Variants in DMBT1 observed in about 807,000 individuals in gnomAD.
DMBT1 encodes scavenger receptor cysteine-rich domain-containing protein DMBT1.
A neutral mutation model predicts 252.9 loss-of-function variants in DMBT1; 198 were observed. That is an observed-to-expected ratio of 0.78 (90% confidence interval 0.70 to 0.88). The LOEUF is 0.88. Among genes scored for constraint, DMBT1 ranks in the 40% least tolerant of loss-of-function variants. The pLI is 0.00. For synonymous variants in DMBT1, 990 were observed against 942.7 expected (o/e 1.05, Z -0.92); for missense variants, 2,432 against 2,404.7 (o/e 1.01, Z -0.24).
intron 9 of DMBT1, 142 bp from the exon 10 acceptor site, chr10:122,579,436 A>G (rs2097745325): frequency 6.6e-7 from 1 of 1,521,242 alleles, no homozygotes; most frequent in Non-Finnish European, 8.9e-7. Context: ...CACGGTGATG[A>G]AGCCTAGTCT....
rs769093369 is a variant in DMBT1, at chr10:122,586,116, C to T, written c.1516C>T (p.Arg506Ter). ...GAATGGAGGTGACAGGTGTCAGGGCCGAGTGGAGGTCCTATACCGAGGCTC... is the reference window on the plus strand; with the variant it reads ...GAATGGAGGTGACAGGTGTCAGGGCTGAGTGGAGGTCCTATACCGAGGCTC... ...LVNGGDRCQG[R>*]VEVLYRGSWG... Residue 506 changes from arginine (R) to a stop codon, truncating the protein, a stop_gained, in exon 16 of 56, where the codon CGA (arginine) becomes TGA (stop). Coordinates refer to ENST00000338354, the MANE Select transcript of DMBT1 (RefSeq NM_001377530.1). LOFTEE classifies it high-confidence loss of function. 3.4e-5 allele frequency: 54 copies of T among 1,588,912 alleles called. 6 individuals are homozygous for T. Among genetic ancestry groups the T allele is most frequent in the East Asian group, 1.4e-4 (6 of 42,736 alleles).
In DMBT1 at chr10:122,632,841, T is replaced by C; in HGVS notation, c.6368-20T>C. On this transcript the variant is annotated intron_variant, in intron 50 of 55. Coordinates refer to ENST00000338354, the MANE Select transcript of DMBT1 (RefSeq NM_001377530.1). ...AGGGATGCCAGAAAACTGATCCTGA[T>C]CTTTTCTTTTTGTCAACAGCTCCTT... is the stretch of plus-strand genomic sequence containing the variant. 6.2e-7 allele frequency: 1 copy of C among 1,613,386 alleles called. No individual in the cohort carries two copies. The highest frequency in any genetic ancestry group is 8.5e-7 in the Non-Finnish European group (1 of 1,179,694).
Position 122,643,530 on chromosome 10 carries a change from G to C in DMBT1, c.*132G>C, listed in dbSNP as rs543564978. ...GTGCTGCACCTGGTCATACGGAGTT[G>C]AATCAGACCTGGTTCCCGCCTCCCC... On this transcript the variant is annotated 3_prime_UTR_variant, in exon 56 of 56. Transcript: ENST00000338354. The C allele has an allele frequency of 1.3e-4, 170 of 1,296,836 alleles. No individual in the cohort carries two copies. In the East Asian group the frequency reaches 4.3e-3, roughly 33 times the overall value. 80.3% of individuals were successfully genotyped at this position (1,296,836 alleles called of 1,614,324 possible). A position where few individuals can be genotyped will look rare whatever the true frequency, so the allele number is the denominator to read the frequency against.
Position 122,617,270 on chromosome 10 carries a change from C to A in DMBT1, c.4891+10C>A, listed in dbSNP as rs762505208. The A allele has an allele frequency of 6.2e-7, 1 of 1,608,734 alleles. No homozygotes were observed. Among genetic ancestry groups the A allele is most frequent in the Admixed American group, 1.7e-5 (1 of 59,936 alleles). On this transcript the variant is annotated intron_variant, in intron 40 of 55. Coordinates refer to ENST00000338354, the MANE Select transcript of DMBT1 (RefSeq NM_001377530.1). ...CGTGCATCAACAGCAGGTAAACAAT[C>A]CTCTCACCCCTCCCTAGGGCTCACT... is the stretch of plus-strand genomic sequence containing the variant.
chr10:122,580,590 C>T (rs909839521), intron 10 of DMBT1, among the ~76,000 whole-genome samples: 2 of 152,102 alleles, frequency 1.3e-5, no homozygotes, highest in Admixed American at 6.5e-5. Flanking sequence ...TCAGGAACAC[C>T]TAAGATGTGC....
chr10:122,576,312 T>C, intron 6 of DMBT1, 87 bp from the exon 7 acceptor site: 1 of 1,533,900 alleles, frequency 6.5e-7, no homozygotes. Context: ...GATATCTGCC[T>C]ATGGGGAAGA....
chr10:122,584,399 A>G (rs1042135661), intron 14 of DMBT1, 48 bp downstream of exon 14: 1 of 392,596 alleles, frequency 2.5e-6, no homozygotes, highest in African/African-American at 2.3e-5. Context: ...CTTTCTGTAT[A>G]ATTATCCCTT....
In DMBT1 at chr10:122,589,072, G is replaced by A. The variant is rs1050536658; in HGVS notation, c.1912G>A (p.Val638Met). ...CAGCTGGGACACCAATGATGCCAATGTGGTCTGCAGGCAGCTGGGCTGTGG... is the reference window on the plus strand; with the variant it reads ...CAGCTGGGACACCAATGATGCCAATATGGTCTGCAGGCAGCTGGGCTGTGG... Reference protein sequence around the residue: ...DDSWDTNDANVVCRQLGCGWA... With the variant: ...DDSWDTNDANMVCRQLGCGWA... The change falls in exon 17 of 56, where the codon GTG becomes ATG. Residue 638 changes from valine to methionine, a missense_variant. By Grantham distance (21) the Val-to-Met change is conservative (BLOSUM62 1). This residue lies in a region of DMBT1 where 1,264 missense variants were observed against 1,082.2 expected (regional missense o/e 1.17). Coordinates refer to ENST00000338354, the MANE Select transcript of DMBT1 (RefSeq NM_001377530.1). The A allele has an allele frequency of 4.4e-6, 7 of 1,588,888 alleles. No individual in the cohort carries two copies. The highest frequency in any genetic ancestry group is 6.0e-6 in the Non-Finnish European group (7 of 1,165,954).
Position 122,600,170 on chromosome 10 carries a change from T to A in DMBT1, c.3310+77T>A. 2.0e-6 allele frequency: 3 copies of A among 1,531,592 alleles called. No individual in the cohort carries two copies. The East Asian group carries it at 6.9e-5, about 35-fold the overall frequency. 94.9% of individuals were successfully genotyped at this position (1,531,592 alleles called of 1,614,324 possible). ...ACCCCTTCCACACTCCACAGAGCTCTCCTGTTTCTCTGTGTGGATACTGTG... is the reference window on the plus strand; with the variant it reads ...ACCCCTTCCACACTCCACAGAGCTCACCTGTTTCTCTGTGTGGATACTGTG... On this transcript the variant is annotated intron_variant, in intron 27 of 55. Coordinates refer to ENST00000338354, the MANE Select transcript of DMBT1 (RefSeq NM_001377530.1).
chr10:122,564,142 A>G (rs2097570689), intron 1 of DMBT1, among the ~76,000 whole-genome samples: 1 of 152,190 alleles, frequency 6.6e-6, no homozygotes, highest in Non-Finnish European at 1.5e-5. Context: ...CATCAATATG[A>G]AGCAGGGCAG....
chr10:122,627,205 A>T (rs1014587577), intron 46 of DMBT1, among the ~76,000 whole-genome samples: 3 of 152,192 alleles, frequency 2.0e-5, no homozygotes, highest in Non-Finnish European at 4.4e-5. Context: ...TTCATAATGT[A>T]TCCTTATTAT....
At chr10:122,565,820 T>G in intron 1 of DMBT1, 147 bp from the exon 2 acceptor site, 1 of 734,264 alleles carries the variant, frequency 1.4e-6, no homozygotes, top group Non-Finnish European at 2.4e-6. Context: ...AGAATTCATT[T>G]AGCAAGAACG....
rs775537845 is a variant in DMBT1 at position 122,632,849 on chromosome 10, T to C, written c.6368-12T>C. 8 of 1,613,630 alleles carry C rather than the reference T, an allele frequency of 5.0e-6. No individual in the cohort carries two copies. The South Asian group carries it at 8.8e-5, about 18-fold the overall frequency. On this transcript the variant is annotated splice_polypyrimidine_tract_variant and intron_variant, in intron 50 of 55. Coordinates refer to ENST00000338354, the MANE Select transcript of DMBT1 (RefSeq NM_001377530.1). ...CAGAAAACTGATCCTGATCTTTTCT[T>C]TTTGTCAACAGCTCCTTTTCTCAAC...
In DMBT1 at chr10:122,588,016, A is replaced by C. The variant is rs113737991; in HGVS notation, c.1784-928A>C. On this transcript the variant is annotated intron_variant, in intron 16 of 55. Coordinates refer to ENST00000338354, the MANE Select transcript of DMBT1 (RefSeq NM_001377530.1). ...GACACATGGGGAGCAAGTGGCAAAA[A>C]CCAGAAATCCAGTAGTTTTCATGAT... 7.8e-3 allele frequency among the ~76,000 whole-genome samples: 1,152 copies of C among 148,350 alleles called. 120 individuals carry two copies. Among genetic ancestry groups the C allele is most frequent in the Non-Finnish European group, 0.011 (729 of 66,622 alleles).
In DMBT1 at chr10:122,598,942, C is replaced by G; in HGVS notation, c.3125C>G (p.Ala1042Gly). 4 of 1,613,806 alleles carry G rather than the reference C, an allele frequency of 2.5e-6. No homozygotes were observed. Among genetic ancestry groups the G allele is most frequent in the Middle Eastern group, 1.7e-4 (1 of 6,054 alleles). The stretch of plus-strand genomic sequence containing the variant: ...CTGGGCTGTGGCTGGGCCATGTCAG[C>G]CCCAGGAAATGCCCGGTTTGGTCAG... Reference protein sequence around the residue: ...RQLGCGWAMSAPGNARFGQGS... With the variant: ...RQLGCGWAMSGPGNARFGQGS... The change falls in exon 26 of 56, where the codon GCC becomes GGC. Residue 1042 changes from alanine (A) to glycine (G), a missense_variant. By Grantham distance (60) the Ala-to-Gly change is moderately conservative (BLOSUM62 0). Coordinates refer to ENST00000338354, the MANE Select transcript of DMBT1 (RefSeq NM_001377530.1).
Position 122,636,245 on chromosome 10 carries a change from G to C in DMBT1, c.6757+46G>C, listed in dbSNP as rs1296765393. 4 of 1,510,220 alleles carry C rather than the reference G, an allele frequency of 2.6e-6. No individual in the cohort carries two copies. The African/African-American group carries it at 5.5e-5, about 21-fold the overall frequency. The allele number at this position is 1,510,220 out of a possible 1,614,324, so 93.6% of individuals were successfully genotyped here. ...GCTCTGTTGGGACTGGGGACATCCT[G>C]AGAGCATCTGTGGCTCAACTGTCCT... On this transcript the variant is annotated intron_variant, in intron 53 of 55. Transcript: ENST00000338354.
chr10:122,630,378 T>C lies in DMBT1; in HGVS notation c.5913T>C (p.Asn1971=), dbSNP rs758934662. 6 of 1,613,914 alleles carry C rather than the reference T, an allele frequency of 3.7e-6. No homozygotes were observed. Among genetic ancestry groups the C allele is most frequent in the Non-Finnish European group, 2.5e-6 (3 of 1,179,890 alleles). The part of the protein sequence containing the change: ...NSSLLLGKIC[N]DTRQIFTSSY... ...GTCTCCTGCTGGGGAAAATCTGTAA[T>C]GATACCAGGCAAATATTTACATCTT... Residue 1971 remains asparagine, a synonymous_variant, in exon 48 of 56, where the codon AAT becomes AAC. Coordinates refer to ENST00000338354, the MANE Select transcript of DMBT1 (RefSeq NM_001377530.1).
Position 122,631,132 on chromosome 10 carries a change from G to A in DMBT1, c.6197G>A (p.Gly2066Glu), listed in dbSNP as rs2098161661. 6.2e-7 allele frequency: 1 copy of A among 1,613,990 alleles called. No individual in the cohort carries two copies. The highest frequency in any genetic ancestry group is 1.1e-5 in the South Asian group (1 of 91,060). Residue 2066 changes from glycine (G) to glutamate (E), a missense_variant, in exon 49 of 56, where the codon GGA becomes GAA. By Grantham distance (98) the Gly-to-Glu change is moderately conservative (BLOSUM62 -2). Transcript: ENST00000338354. ...LGCGRAVSAL[G>E]NAYFGSGSGP... is the part of the protein sequence containing the mutation. ...TGTGGACGTGCAGTTTCAGCCCTTG[G>A]AAATGCATATTTTGGCTCTGGCTCT...
chr10:122,628,361 C>T (rs190633405), intron 46 of DMBT1, among the ~76,000 whole-genome samples: 86 of 152,222 alleles, frequency 5.6e-4, no homozygotes, highest in African/African-American at 1.8e-3. Context: ...AGTGGCCGGG[C>T]GCGGTGGCTC....
Sources: allele counts gnomAD v4.1 joint callset (sites outside exome capture counted in the v4.1 genomes callset), GRCh38; gene constraint gnomAD v4.1.1; regional missense constraint gnomAD v4.1.1; transcripts MANE v1.5; gene names NCBI Gene and HGNC (gene_info 2026-07-23, HGNC 2026-07-21).